The following HNF4G variants were observed in gnomAD, a reference collection of about 807,000 sequenced individuals.
HNF4G encodes hepatocyte nuclear factor 4 gamma, also known as hepatocyte nuclear factor 4-gamma.
Under a neutral mutation model 50.9 loss-of-function variants are expected in HNF4G, and 21 were observed. That is an observed-to-expected ratio of 0.41 (90% CI 0.29 to 0.59). The LOEUF (loss-of-function observed/expected upper bound fraction) is 0.59, where lower values mean the gene tolerates loss of function less well. Among genes scored for constraint, HNF4G ranks in the 20% least tolerant of loss-of-function variants. HNF4G has a pLI of 0.26. For missense variants in HNF4G, 527 were observed against 559.4 expected (o/e 0.94, Z 0.58); for synonymous variants, 198 against 185.6 (o/e 1.07, Z -0.54).
intron 1 of HNF4G, among the ~76,000 whole-genome samples, chr8:75,416,375 T>A (rs1457312755): frequency 6.6e-6 from 1 of 152,180 alleles, no homozygotes; most frequent in Non-Finnish European, 1.5e-5. Flanking sequence ...TTTTCTTTTT[T>A]TTCTTCAGTT....
intron 2 of HNF4G, among the ~76,000 whole-genome samples, chr8:75,524,984 T>G (rs76979382): frequency 6.6e-6 from 1 of 152,284 alleles, no homozygotes; most frequent in African/African-American, 2.4e-5. Context: ...GTTTCATAAA[T>G]ATGACAGTTT....
chr8:75,448,487 T>TAAAAAAA (rs36100694), intron 1 of HNF4G, among the ~76,000 whole-genome samples: 2 of 105,860 alleles, frequency 1.9e-5, no homozygotes, highest in Non-Finnish European at 3.7e-5. Context: ...AAGACCTCTT[T>TAAAAAAA]AAAAAAAAAA....
chr8:75,534,486 A>G (rs1314360561), intron 2 of HNF4G, among the ~76,000 whole-genome samples: 1 of 151,832 alleles, frequency 6.6e-6, no homozygotes, highest in South Asian at 2.1e-4. Context: ...CATTTTGTCT[A>G]TCCTAACAGT....
At chr8:75,548,267 G>A (rs1454356026) in intron 3 of HNF4G, among the ~76,000 whole-genome samples, 3 of 152,108 alleles carry the variant, frequency 2.0e-5, no homozygotes, top group African/African-American at 7.2e-5. Flanking sequence ...TTACAGGCTT[G>A]AGCCACCACA....
intron 8 of HNF4G, 109 bp downstream of exon 8, chr8:75,559,146 A>T: frequency 1.3e-6 from 1 of 762,532 alleles, no homozygotes; most frequent in Non-Finnish European, 2.2e-6. Context: ...AGTTGCTGTG[A>T]TGCTCCTGAA....
chr8:75,463,772 AT>A lies in HNF4G; in HGVS notation c.-143-26298del, dbSNP rs373640826. Among the ~76,000 whole-genome samples, 733 of 115,550 alleles carry A rather than the reference AT, an allele frequency of 6.3e-3. 3 individuals are homozygous for A. Among genetic ancestry groups the A allele is most frequent in the East Asian group, 0.017 (67 of 3,872 alleles). 75.8% of individuals were successfully genotyped at this position (115,550 alleles called of 152,430 possible). A position where few individuals can be genotyped will look rare whatever the true frequency, so the allele number is the denominator to read the frequency against. ...AACTATTCTTTTTGTGAATATGTTG[AT>A]TTTTTTTTTTTTTTTTTTGAGACAG... On this transcript the variant is annotated intron_variant, in intron 1 of 10. Transcript: ENST00000354370.
chr8:75,413,160 T>C (rs1409018076), intron 1 of HNF4G, among the ~76,000 whole-genome samples: 1 of 151,772 alleles, frequency 6.6e-6, no homozygotes, highest in Non-Finnish European at 1.5e-5. Context: ...TAACAAGGAT[T>C]GGACAATGTC....
chr8:75,515,606 G>C (rs895966294), intron 2 of HNF4G, among the ~76,000 whole-genome samples: 2 of 152,100 alleles, frequency 1.3e-5, no homozygotes, highest in African/African-American at 4.8e-5. Context: ...GGTCTGTTTG[G>C]AGTCAAAGGG....
intron 3 of HNF4G, among the ~76,000 whole-genome samples, chr8:75,549,921 C>T (rs528731423): frequency 2.6e-5 from 4 of 152,074 alleles, no homozygotes; most frequent in African/African-American, 9.6e-5. Flanking sequence ...CATCCATGTC[C>T]CTACAAAGGA....
At chr8:75,429,088 C>T (rs1050825886) in intron 1 of HNF4G, among the ~76,000 whole-genome samples, 3 of 152,082 alleles carry the variant, frequency 2.0e-5, no homozygotes, top group Admixed American at 6.6e-5. Context: ...GGCAAGTGTG[C>T]GAGAAATTCC....
At chr8:75,504,249 AC>A (rs1813009385) in intron 2 of HNF4G, among the ~76,000 whole-genome samples, 2 of 149,108 alleles carry the variant, frequency 1.3e-5, no homozygotes, top group African/African-American at 2.6e-5. Flanking sequence ...ACACACACAC[AC>A]ACACACACAC....
chr8:75,426,143 C>T (rs926866123), intron 1 of HNF4G, among the ~76,000 whole-genome samples: 2 of 152,156 alleles, frequency 1.3e-5, no homozygotes, highest in Non-Finnish European at 2.9e-5. Flanking sequence ...TATAAGCTTA[C>T]TGTACATGCA....
exon 2 of HNF4G, chr8:75,490,110 G>A (rs867192357): frequency 2.0e-5 from 3 of 152,642 alleles, no homozygotes; most frequent in Admixed American, 2.0e-4. Flanking sequence ...AAAGCAGCCA[G>A]TCTGAGATAT....
At chr8:75,435,167 A>C (rs1447741945) in intron 1 of HNF4G, among the ~76,000 whole-genome samples, 1 of 152,230 alleles carries the variant, frequency 6.6e-6, no homozygotes, top group African/African-American at 2.4e-5. Context: ...TATACAAAAT[A>C]TTAGGAAAGA....
At chr8:75,514,768 CATTT>C (rs1435175452) in intron 2 of HNF4G, among the ~76,000 whole-genome samples, 1 of 152,132 alleles carries the variant, frequency 6.6e-6, no homozygotes, top group East Asian at 1.9e-4. Context: ...TTTCAAGTGA[CATTT>C]ATAATGATTG....
chr8:75,438,127 C>A (rs1432211562), intron 1 of HNF4G, among the ~76,000 whole-genome samples: 2 of 152,088 alleles, frequency 1.3e-5, no homozygotes, highest in Non-Finnish European at 2.9e-5. Context: ...TACACTAAAT[C>A]AATTTCACAA....
intron 2 of HNF4G, among the ~76,000 whole-genome samples, chr8:75,513,230 G>T (rs1426827862): frequency 6.6e-6 from 1 of 152,004 alleles, no homozygotes; most frequent in African/African-American, 2.4e-5. Flanking sequence ...TAGAGATGGG[G>T]TTTCACCACG....
At chr8:75,422,129 T>C (rs1027453623) in intron 1 of HNF4G, among the ~76,000 whole-genome samples, 14 of 152,116 alleles carry the variant, frequency 9.2e-5, no homozygotes, top group Admixed American at 9.2e-4. Context: ...ATTCCATATA[T>C]CTTACTACTT....
At chr8:75,563,129 A>G (rs1467912874) in intron 9 of HNF4G, among the ~76,000 whole-genome samples, 4 of 152,162 alleles carry the variant, frequency 2.6e-5, no homozygotes, top group African/African-American at 4.8e-5. Flanking sequence ...CAGCCTGATC[A>G]TCAAACATTT....
Sources: gnomAD v4.1 joint callset for allele counts (sites outside exome capture counted in the v4.1 genomes callset) on GRCh38, gnomAD v4.1.1 for gene constraint, MANE v1.5 for transcripts, NCBI Gene and HGNC (gene_info 2026-07-23, HGNC 2026-07-21) for gene names.